The following DNAH9 variants were observed in gnomAD, a reference collection of about 807,000 sequenced individuals.
The protein encoded by DNAH9 is dynein axonemal heavy chain 9.
In DNAH9, 345 loss-of-function variants were observed where a neutral mutation model predicts 471.6. That is an observed-to-expected ratio of 0.73 (90% CI 0.67 to 0.80). DNAH9 has a LOEUF of 0.80. Ranked by LOEUF, DNAH9 falls within the 30% of genes least tolerant of loss-of-function variation. DNAH9 has a pLI of 0.00. For missense variants in DNAH9, 5,407 were observed against 5,609.2 expected, an observed-to-expected ratio of 0.96 and a Z score of 1.15; for synonymous variants, 2,093 against 2,123.6, an observed-to-expected ratio of 0.99 and a Z score of 0.40.
chr17:11,942,882 T>C (rs1005247382), intron 67 of DNAH9, among the ~76,000 whole-genome samples: 6 of 149,116 alleles, frequency 4.0e-5, no homozygotes, highest in African/African-American at 1.5e-4. Context: ...TCGATTTACA[T>C]TGGCTTGTTT....
At chr17:11,655,921 CACAT>C (rs1319258634) in intron 14 of DNAH9, among the ~76,000 whole-genome samples, 1 of 152,094 alleles carries the variant, frequency 6.6e-6, no homozygotes. Flanking sequence ...CATACACACA[CACAT>C]ACATATACAT....
intron 50 of DNAH9, among the ~76,000 whole-genome samples, chr17:11,858,059 A>G (rs1233341437): frequency 6.6e-6 from 1 of 152,190 alleles, no homozygotes; most frequent in Non-Finnish European, 1.5e-5. Context: ...ACACACAAAA[A>G]TGTTAACAGT....
chr17:11,790,353 T>C (rs539675404), intron 41 of DNAH9, among the ~76,000 whole-genome samples: 2 of 152,090 alleles, frequency 1.3e-5, no homozygotes, highest in Non-Finnish European at 2.9e-5. Flanking sequence ...CTGTGTTATT[T>C]ATTAGGTACA....
chr17:11,669,612 G>A lies in DNAH9; in HGVS notation c.3171G>A (p.Gln1057=), dbSNP rs1201835888. ...CAGAGAACCCTCCCCTCCTTTCTCA[G>A]TTTAAAGTGCAAATCGACTCCTATG... is the stretch of plus-strand genomic sequence containing the variant. ...GIPENPPLLS[Q]FKVQIDSYET... Residue 1057 remains glutamine, a synonymous_variant, in exon 17 of 69, where the codon CAG becomes CAA. Transcript: ENST00000262442. The A allele has an allele frequency of 6.2e-7, 1 of 1,614,192 alleles. No individual in the cohort carries two copies. The highest frequency in any genetic ancestry group is 8.5e-7 in the Non-Finnish European group (1 of 1,180,032).
chr17:11,780,543 G>A (rs1273978063), intron 38 of DNAH9, among the ~76,000 whole-genome samples: 1 of 152,184 alleles, frequency 6.6e-6, no homozygotes, highest in Non-Finnish European at 1.5e-5. Context: ...CCTTGGGACT[G>A]TAAAGATATT....
intron 28 of DNAH9, among the ~76,000 whole-genome samples, chr17:11,738,411 T>A (rs189108695): frequency 6.6e-6 from 1 of 152,272 alleles, no homozygotes; most frequent in Non-Finnish European, 1.5e-5. Context: ...GACGTAGCCT[T>A]GCTTTGTCAA....
chr17:11,761,728 ACT>A (rs1967677368), intron 35 of DNAH9, among the ~76,000 whole-genome samples: 1 of 151,506 alleles, frequency 6.6e-6, no homozygotes, highest in Non-Finnish European at 1.5e-5. Flanking sequence ...TCCTTCACCA[ACT>A]CGGAGTAACC....
At chr17:11,667,027 C>A (rs2073883382) in intron 15 of DNAH9, among the ~76,000 whole-genome samples, 1 of 152,136 alleles carries the variant, frequency 6.6e-6, no homozygotes, top group South Asian at 2.1e-4. Flanking sequence ...TTTACGTGCA[C>A]CAACACTGTG....
At chr17:11,769,766 C>G (rs1968126248) in intron 38 of DNAH9, among the ~76,000 whole-genome samples, 1 of 152,308 alleles carries the variant, frequency 6.6e-6, no homozygotes, top group South Asian at 2.1e-4. Context: ...AAAGTCACCA[C>G]CAAGTGGTGA....
chr17:11,627,234 A>G (rs2072985213), intron 6 of DNAH9, among the ~76,000 whole-genome samples: 1 of 152,212 alleles, frequency 6.6e-6, no homozygotes, highest in African/African-American at 2.4e-5. Context: ...CTTTCTCCAA[A>G]AGTAGAATAG....
rs772329250 is a variant in DNAH9, at chr17:11,869,155, A to C, written c.9955A>C (p.Lys3319Gln). ...KIAHLNENLA[K>Q]LTARFEKATA... Reference sequence around the variant, plus strand: ...ACAGCACCTTAATGAAAACCTGGCAAAGCTCACAGCCAGGTTTGAGAAAGC... The same window carrying C: ...ACAGCACCTTAATGAAAACCTGGCACAGCTCACAGCCAGGTTTGAGAAAGC... The change falls in exon 51 of 69, where the codon AAG (lysine) becomes CAG (glutamine). Residue 3319 changes from lysine (K) to glutamine (Q), a missense_variant. Lys to Gln is a moderately conservative substitution (Grantham distance 53). Transcript: ENST00000262442. The C allele has an allele frequency of 1.1e-5, 18 of 1,613,568 alleles. No individual in the cohort carries two copies. The highest frequency in any genetic ancestry group is 1.4e-5 in the Non-Finnish European group (17 of 1,179,740).
chr17:11,953,385 C>G (rs62062004), intron 67 of DNAH9, among the ~76,000 whole-genome samples: 36,237 of 152,096 alleles, frequency 0.24, 5,192 homozygotes, highest in Middle Eastern at 0.34. Context: ...TGCTTTTTCC[C>G]CTCCTTATCA....
At chr17:11,694,687 TCGCTTTCTCG>T (rs1220402601) in intron 22 of DNAH9, among the ~76,000 whole-genome samples, 1 of 5,444 alleles carries the variant, frequency 1.8e-4, no homozygotes, top group African/African-American at 2.6e-4. Flanking sequence ...TCTCGCTTTC[TCGCTTTCTCG>T]CTTTCTCTCT....
chr17:11,611,614 GC>G, intron 3 of DNAH9, 35 bp from the exon 4 acceptor site: 1 of 1,606,238 alleles, frequency 6.2e-7, no homozygotes, highest in Non-Finnish European at 8.5e-7. Context: ...ATTTCCTGAT[GC>G]TTCCCTGGAT....
chr17:11,946,968 C>G (rs531592722), intron 67 of DNAH9, among the ~76,000 whole-genome samples: 1 of 152,274 alleles, frequency 6.6e-6, no homozygotes, highest in African/African-American at 2.4e-5. Context: ...ATTCACCATA[C>G]TTCATATTTG....
intron 1 of DNAH9, 45 bp downstream of exon 1, chr17:11,598,960 GAGGGGAGGAGGA>G: frequency 7.3e-7 from 1 of 1,366,486 alleles, no homozygotes; most frequent in Non-Finnish European, 9.6e-7. Context: ...CTGGGTGGGG[GAGGGGAGGAGGA>G]GCCTTAAGGG....
Position 11,690,333 on chromosome 17 carries a change from C to T in DNAH9, c.4511C>T (p.Thr1504Ile). The T allele has an allele frequency of 1.2e-6, 2 of 1,614,166 alleles. No individual in the cohort carries two copies. Among genetic ancestry groups the T allele is most frequent in the South Asian group, 2.2e-5 (2 of 91,082 alleles). The change falls in exon 20 of 69, where the codon ACA becomes ATA. Residue 1504 changes from threonine to isoleucine, a missense_variant. Physicochemically the swap from Thr to Ile is moderately conservative, Grantham distance 89. This residue lies in a region of DNAH9 where 4,636 missense variants were observed against 4,900.3 expected (regional missense o/e 0.95). Transcript: ENST00000262442. ...EVSGWQKKLSTVDAVISIWFE... is the reference protein window; with the variant it reads ...EVSGWQKKLSIVDAVISIWFE... ...TCGGGCTGGCAGAAGAAGCTGTCCA[C>T]AGTGGACGCTGTCATCTCTATCTGG...
intron 12 of DNAH9, among the ~76,000 whole-genome samples, chr17:11,649,447 A>G (rs914324804): frequency 1.3e-5 from 2 of 152,154 alleles, no homozygotes; most frequent in East Asian, 3.9e-4. Context: ...TGAATCTTAC[A>G]ATTGATGACA....
intron 61 of DNAH9, among the ~76,000 whole-genome samples, chr17:11,912,441 A>AT (rs1355189832): frequency 1.3e-5 from 2 of 152,206 alleles, no homozygotes; most frequent in South Asian, 2.1e-4. Flanking sequence ...TCAGCAGTGG[A>AT]TTTTTTGTAG....
Sources: allele counts gnomAD v4.1 joint callset (sites outside exome capture counted in the v4.1 genomes callset), GRCh38; gene constraint gnomAD v4.1.1; regional missense constraint gnomAD v4.1.1; transcripts MANE v1.5; gene names NCBI Gene and HGNC (gene_info 2026-07-23, HGNC 2026-07-21).